Variants in GRM7 observed in about 807,000 individuals in gnomAD.
The protein encoded by GRM7 is metabotropic glutamate receptor 7.
A neutral mutation model predicts 84.5 loss-of-function variants in GRM7; 35 were observed. The observed-to-expected ratio is 0.41, with a 90% CI of 0.32 to 0.55. GRM7 has a LOEUF of 0.55. Ranked by LOEUF, GRM7 falls within the 20% of genes least tolerant of loss-of-function variation. The probability of loss-of-function intolerance (pLI) is 0.19; values close to 1 mark genes in which losing one functional copy is unlikely to be tolerated. For synonymous variants in GRM7, 487 were observed against 455.1 expected, an observed-to-expected ratio of 1.07 and a Z score of -0.89; for missense variants, 1,003 against 1,194.6, an observed-to-expected ratio of 0.84 and a Z score of 2.36.
intron 8 of GRM7, among the ~76,000 whole-genome samples, chr3:7,645,427 A>G (rs903701921): frequency 4.6e-5 from 7 of 151,754 alleles, no homozygotes; most frequent in Admixed American, 2.0e-4. Context: ...CGCGCCTGTA[A>G]TCCCAGCTAC....
chr3:7,709,406 G>A (rs1256321955), intron 9 of GRM7, among the ~76,000 whole-genome samples: 1 of 152,174 alleles, frequency 6.6e-6, no homozygotes, highest in African/African-American at 2.4e-5. Flanking sequence ...TCTGGTTTGT[G>A]AAGTTTACTG....
chr3:6,901,592 C>T (rs377686776), intron 1 of GRM7, among the ~76,000 whole-genome samples: 1 of 90,418 alleles, frequency 1.1e-5, no homozygotes, highest in Non-Finnish European at 1.9e-5. Flanking sequence ...GGTGACAGAG[C>T]AAGACTCCGT....
At chr3:7,041,192 T>C (rs537253630) in intron 1 of GRM7, among the ~76,000 whole-genome samples, 1 of 152,256 alleles carries the variant, frequency 6.6e-6, no homozygotes, top group East Asian at 1.9e-4. Context: ...TTAATAAAGG[T>C]TTATCTTGAT....
intron 2 of GRM7, among the ~76,000 whole-genome samples, chr3:7,263,692 C>T (rs982115027): frequency 2.0e-5 from 3 of 152,160 alleles, no homozygotes; most frequent in African/African-American, 7.2e-5. Flanking sequence ...GTTGGGTCTG[C>T]TGCTTTCCAT....
intron 4 of GRM7, among the ~76,000 whole-genome samples, chr3:7,397,983 T>A (rs1171004255): frequency 6.6e-6 from 1 of 152,034 alleles, no homozygotes; most frequent in African/African-American, 2.4e-5. Flanking sequence ...AATTGACCCA[T>A]GTGATATAAA....
intron 7 of GRM7, among the ~76,000 whole-genome samples, chr3:7,514,813 AC>A (rs2124981833): frequency 6.6e-6 from 1 of 152,302 alleles, no homozygotes; most frequent in African/African-American, 2.4e-5. Flanking sequence ...TCAGTAGAAT[AC>A]TTTCCATAAA....
At chr3:7,460,125 A>AAAAT (rs1553601879) in intron 6 of GRM7, among the ~76,000 whole-genome samples, 168 of 150,446 alleles carry the variant, frequency 1.1e-3, no homozygotes, top group Non-Finnish European at 2.3e-3. Context: ...AAAAAAAAAA[A>AAAAT]AAAAGATGCC....
At chr3:7,635,109 G>C (rs1698033088) in intron 8 of GRM7, among the ~76,000 whole-genome samples, 1 of 152,212 alleles carries the variant, frequency 6.6e-6, no homozygotes, top group African/African-American at 2.4e-5. Flanking sequence ...TGGGGCTGAA[G>C]AATGAGGTAC....
intron 2 of GRM7, among the ~76,000 whole-genome samples, chr3:7,205,258 CA>C (rs1202200377): frequency 6.6e-6 from 1 of 152,166 alleles, no homozygotes; most frequent in East Asian, 1.9e-4. Flanking sequence ...ATAATAACTG[CA>C]AAAGGCTGAA....
chr3:6,861,349 C>A lies in GRM7; in HGVS notation c.-40C>A. On this transcript the variant is annotated 5_prime_UTR_variant, in exon 1 of 10. Coordinates refer to ENST00000357716, the MANE Select transcript of GRM7 (RefSeq NM_000844.4). This position sits in a 1 kb window ranked among gnomAD's most constrained non-coding sequence, Gnocchi z 6.4. ...GACCTCGGCGAGCCCACCACCGTTC[C>A]CTCCAGCGCCGCCGCCGCCACCGCA... 1 of 1,463,300 alleles carries A rather than the reference C, an allele frequency of 6.8e-7. No individual in the cohort carries two copies. The highest frequency in any genetic ancestry group is 1.4e-5 in the South Asian group (1 of 69,532). The allele number at this position is 1,463,300 out of a possible 1,614,324, so 90.6% of individuals were successfully genotyped here.
chr3:7,478,617 T>G (rs1183540644), intron 7 of GRM7, among the ~76,000 whole-genome samples: 1 of 152,168 alleles, frequency 6.6e-6, no homozygotes, highest in Non-Finnish European at 1.5e-5. Context: ...TCCTGAAGCC[T>G]CCTGTCTTAT....
intron 2 of GRM7, among the ~76,000 whole-genome samples, chr3:7,215,344 C>G (rs1365442914): frequency 6.6e-6 from 1 of 152,082 alleles, no homozygotes; most frequent in Non-Finnish European, 1.5e-5. Context: ...CTCTGTTTCC[C>G]CACTTGTTTG....
Position 7,292,814 on chromosome 3 carries a change from C to G in GRM7, c.737-5870C>G, listed in dbSNP as rs541499739. ...TGGGAGGCTGAGGTGGGCAGATCAC[C>G]TGAGGTCAGGAGTTCTAGACCAGCC... On this transcript the variant is annotated intron_variant, in intron 2 of 9. Transcript: ENST00000357716. 2.4e-3 allele frequency among the ~76,000 whole-genome samples: 365 copies of G among 151,522 alleles called. 2 individuals carry two copies. Among genetic ancestry groups the G allele is most frequent in the African/African-American group, 8.4e-3 (348 of 41,302 alleles).
chr3:7,675,151 T>C (rs1449762278), intron 8 of GRM7, among the ~76,000 whole-genome samples: 1 of 152,262 alleles, frequency 6.6e-6, no homozygotes, highest in South Asian at 2.1e-4. Flanking sequence ...AGTAATAAGA[T>C]GATTTCTCAA....
chr3:6,944,741 T>C (rs754578951), intron 1 of GRM7, among the ~76,000 whole-genome samples: 2 of 152,130 alleles, frequency 1.3e-5, no homozygotes, highest in African/African-American at 4.8e-5. Flanking sequence ...AACTTCATGT[T>C]GAATTGATAT....
chr3:7,605,469 G>A (rs934119753), intron 8 of GRM7, among the ~76,000 whole-genome samples: 5 of 152,016 alleles, frequency 3.3e-5, no homozygotes, highest in South Asian at 2.1e-4. Context: ...TGCTATATAC[G>A]ATTTATACAA....
Position 7,284,308 on chromosome 3 carries a change from GTGTGTATA to G in GRM7, c.737-14374_737-14367del, listed in dbSNP as rs879292183. 2.1e-3 allele frequency among the ~76,000 whole-genome samples: 273 copies of G among 127,610 alleles called. 1 individual carries two copies. The highest frequency in any genetic ancestry group is 3.4e-3 in the South Asian group (12 of 3,576). 83.7% of individuals were successfully genotyped at this position (127,610 alleles called of 152,430 possible). ...CTCGTGTGTGTGTGTGTGTGTGTGT[GTGTGTATA>G]TACATGAGCTCTCTTGGATCTGCAC... On this transcript the variant is annotated intron_variant, in intron 2 of 9. Coordinates refer to ENST00000357716, the MANE Select transcript of GRM7 (RefSeq NM_000844.4).
intron 9 of GRM7, among the ~76,000 whole-genome samples, chr3:7,723,724 C>T (rs1476394907): frequency 2.0e-5 from 3 of 151,896 alleles, no homozygotes; most frequent in Non-Finnish European, 2.9e-5. Context: ...GTGGCGTGCA[C>T]CTGTAGTCCC....
intron 8 of GRM7, among the ~76,000 whole-genome samples, chr3:7,604,876 A>G (rs899279045): frequency 6.6e-6 from 1 of 152,222 alleles, no homozygotes; most frequent in African/African-American, 2.4e-5. Flanking sequence ...GTTTACAACA[A>G]CAGCCTACCA....
Sources: allele counts gnomAD v4.1 joint callset (sites outside exome capture counted in the v4.1 genomes callset), GRCh38; gene constraint gnomAD v4.1.1; non-coding constraint Gnocchi (gnomAD v3.1); transcripts MANE v1.5; gene names NCBI Gene and HGNC (gene_info 2026-07-23, HGNC 2026-07-21).